Variants in DISC1 observed in about 807,000 individuals in gnomAD.
DISC1 encodes the protein DISC1 scaffold protein.
A neutral mutation model predicts 84.5 loss-of-function variants in DISC1; 57 were observed. That is an observed-to-expected ratio of 0.67 (90% CI 0.55 to 0.84). DISC1 has a LOEUF of 0.84. Ranked by LOEUF, DISC1 falls within the 40% of genes least tolerant of loss-of-function variation. The pLI, the probability that DISC1 is intolerant of heterozygous loss-of-function variation, is 0.00. For missense variants in DISC1, 1,000 were observed against 1,057.8 expected (o/e 0.95, Z 0.76); for synonymous variants, 411 against 415.2 (o/e 0.99, Z 0.12).
intron 1 of DISC1, among the ~76,000 whole-genome samples, chr1:231,654,631 C>T (rs1401936606): frequency 2.0e-5 from 3 of 152,124 alleles, no homozygotes; most frequent in Non-Finnish European, 4.4e-5. Flanking sequence ...TCTACCCTTG[C>T]CCCAGCCCCT....
intron 9 of DISC1, among the ~76,000 whole-genome samples, chr1:231,941,844 G>C (rs1350745542): frequency 6.6e-6 from 1 of 152,144 alleles, no homozygotes; most frequent in Non-Finnish European, 1.5e-5. Flanking sequence ...GACTGCAGAG[G>C]CACCAGTAAA....
At chr1:231,787,057 G>A (rs2077928129) in intron 6 of DISC1, among the ~76,000 whole-genome samples, 2 of 152,182 alleles carry the variant, frequency 1.3e-5, no homozygotes, top group Non-Finnish European at 2.9e-5. Context: ...TCTAAAGCAA[G>A]TATTGGAAGT....
At chr1:231,781,994 C>T (rs942936690) in intron 6 of DISC1, among the ~76,000 whole-genome samples, 4 of 152,218 alleles carry the variant, frequency 2.6e-5, no homozygotes, top group Non-Finnish European at 4.4e-5. Context: ...GGTGATTAAT[C>T]TACCCTGTGC....
At chr1:231,949,601 C>G (rs1293111295) in intron 9 of DISC1, among the ~76,000 whole-genome samples, 3 of 152,128 alleles carry the variant, frequency 2.0e-5, no homozygotes, top group Non-Finnish European at 2.9e-5. Context: ...GAGGGCACCT[C>G]CAGCCTGGAA....
intron 9 of DISC1, among the ~76,000 whole-genome samples, chr1:231,937,262 C>G (rs1158046880): frequency 1.3e-5 from 2 of 152,180 alleles, no homozygotes; most frequent in Admixed American, 6.5e-5. Flanking sequence ...AATTTTATAC[C>G]TAGCTCCTCC....
chr1:231,657,181 G>A lies in DISC1; in HGVS notation c.67+30247G>A, dbSNP rs540325445. Among the ~76,000 whole-genome samples, 8 of 152,034 alleles carry A rather than the reference G, an allele frequency of 5.3e-5. No individual in the cohort carries two copies. The South Asian group carries it at 1.0e-3, about 20-fold the overall frequency. ...ATGGGATTGATGAGTCAAATGGTACGCCTCTAGGTCTTTGAGGAATCACTA... is the reference window on the plus strand; with the variant it reads ...ATGGGATTGATGAGTCAAATGGTACACCTCTAGGTCTTTGAGGAATCACTA... On this transcript the variant is annotated intron_variant, in intron 1 of 12. Transcript: ENST00000439617.
At chr1:231,727,487 A>G (rs923677197) in intron 3 of DISC1, among the ~76,000 whole-genome samples, 13 of 152,102 alleles carry the variant, frequency 8.5e-5, no homozygotes, top group Admixed American at 8.5e-4. Context: ...AGAAGTAAAC[A>G]CTGGGCAAGA....
intron 9 of DISC1, among the ~76,000 whole-genome samples, chr1:231,943,480 C>G (rs1044848321): frequency 6.6e-6 from 1 of 152,154 alleles, no homozygotes; most frequent in Non-Finnish European, 1.5e-5. Flanking sequence ...ATGCCAGGGG[C>G]AAAGGATAGT....
chr1:231,838,744 C>T (rs956632164), intron 9 of DISC1, among the ~76,000 whole-genome samples: 10 of 152,282 alleles, frequency 6.6e-5, no homozygotes, highest in African/African-American at 1.7e-4. Context: ...CATTTTTGCT[C>T]GTTGTATGGA....
chr1:231,694,873 AGGAAAC>A (rs1178371895), intron 2 of DISC1, 68 bp downstream of exon 2: 1 of 1,577,966 alleles, frequency 6.3e-7, no homozygotes, highest in Non-Finnish European at 8.6e-7. Flanking sequence ...GGCAGACGGC[AGGAAAC>A]GAGGGGTTCT....
chr1:231,770,801 A>G, intron 5 of DISC1, 34 bp from the exon 6 acceptor site: 7 of 1,604,448 alleles, frequency 4.4e-6, no homozygotes, highest in Non-Finnish European at 6.0e-6. Context: ...GAGCAGGGTT[A>G]ATTTATAAAA....
intron 6 of DISC1, among the ~76,000 whole-genome samples, chr1:231,774,469 G>A (rs1447311129): frequency 6.6e-6 from 1 of 152,198 alleles, no homozygotes; most frequent in Non-Finnish European, 1.5e-5. Flanking sequence ...TGTGTGGCTG[G>A]AGTGTGGCCA....
intron 1 of DISC1, among the ~76,000 whole-genome samples, chr1:231,631,750 T>A (rs984194486): frequency 1.7e-4 from 26 of 151,856 alleles, no homozygotes; most frequent in African/African-American, 3.4e-4. Flanking sequence ...ATTAAAAAAA[T>A]TTAAAAATTA....
intron 3 of DISC1, among the ~76,000 whole-genome samples, chr1:231,725,663 G>C (rs115817097): frequency 2.0e-5 from 3 of 152,318 alleles, no homozygotes; most frequent in South Asian, 2.1e-4. Flanking sequence ...CCACCAGGTC[G>C]CCCTTGAATT....
chr1:231,998,880 A>G (rs1464087161), intron 10 of DISC1, among the ~76,000 whole-genome samples: 2 of 152,206 alleles, frequency 1.3e-5, no homozygotes, highest in Non-Finnish European at 2.9e-5. Flanking sequence ...CTCAAAATAT[A>G]TATATCAATT....
At position 232,036,845 on chromosome 1, in the gene DISC1, G is replaced by A. The variant is rs543876809; in HGVS notation, c.*14G>A. ...GCACAAGCCTGAGGAGTGACGGGAT[G>A]GGGGAGGGAGGTGGGCCACCATGTT... On this transcript the variant is annotated 3_prime_UTR_variant, in exon 13 of 13. Coordinates refer to ENST00000439617, the MANE Select transcript of DISC1 (RefSeq NM_018662.3). The A allele has an allele frequency of 3.2e-5, 49 of 1,535,022 alleles. 2 individuals are homozygous for A. In the South Asian group the frequency reaches 5.3e-4, roughly 17 times the overall value.
chr1:231,758,157 A>G (rs2125373921), intron 4 of DISC1, among the ~76,000 whole-genome samples: 1 of 152,182 alleles, frequency 6.6e-6, no homozygotes, highest in East Asian at 1.9e-4. Flanking sequence ...CCAGCTCCAC[A>G]GTGAACCTTT....
intron 11 of DISC1, among the ~76,000 whole-genome samples, chr1:232,019,686 C>T (rs146153451): frequency 2.0e-5 from 3 of 152,194 alleles, no homozygotes; most frequent in East Asian, 3.9e-4. Context: ...ATTTGGAATC[C>T]GCTGAGGTGA....
intron 1 of DISC1, among the ~76,000 whole-genome samples, chr1:231,660,361 A>G (rs1302731504): frequency 6.6e-6 from 1 of 151,862 alleles, no homozygotes; most frequent in Non-Finnish European, 1.5e-5. Context: ...GAACCTGTGT[A>G]TGTCTTGCAT....
Sources: gnomAD v4.1 joint callset for allele counts (sites outside exome capture counted in the v4.1 genomes callset) on GRCh38, gnomAD v4.1.1 for gene constraint, MANE v1.5 for transcripts, NCBI Gene and HGNC (gene_info 2026-07-23, HGNC 2026-07-21) for gene names.